Variants in CRISPLD2 observed in about 807,000 individuals in gnomAD.
CRISPLD2 encodes the protein cysteine-rich secretory protein LCCL domain-containing 2.
A neutral mutation model predicts 71.1 loss-of-function variants in CRISPLD2; 47 were observed. That is an observed-to-expected ratio of 0.66 (90% confidence interval 0.52 to 0.84). CRISPLD2 has a LOEUF of 0.84. Among genes scored for constraint, CRISPLD2 ranks in the 40% least tolerant of loss-of-function variants. The pLI is 0.00. For missense variants in CRISPLD2, 830 were observed against 651.1 expected (o/e 1.27, Z -2.99); for synonymous variants, 317 against 250.1 (o/e 1.27, Z -2.52).
intron 13 of CRISPLD2, among the ~76,000 whole-genome samples, chr16:84,881,054 T>C (rs900663971): frequency 5.3e-5 from 8 of 152,254 alleles, no homozygotes; most frequent in African/African-American, 1.9e-4. Flanking sequence ...ATTTTCCCCA[T>C]TTCCCCATTT....
In CRISPLD2 at chr16:84,906,599, C is replaced by A. The variant is rs199899739; in HGVS notation, c.1451C>A (p.Pro484His). 6.2e-6 allele frequency: 10 copies of A among 1,613,248 alleles called. No individual in the cohort carries two copies. In the African/African-American group the frequency reaches 1.3e-4, roughly 22 times the overall value. Residue 484 changes from proline to histidine, a missense_variant, in exon 15 of 15, where the codon CCT becomes CAT. Pro to His is a moderately conservative substitution (Grantham distance 77). Coordinates refer to ENST00000262424, the MANE Select transcript of CRISPLD2 (RefSeq NM_031476.4). ...NGVQSESLGTPRDGKAFRIFA... is the reference protein window; with the variant it reads ...NGVQSESLGTHRDGKAFRIFA... The stretch of plus-strand genomic sequence containing the variant: ...CTTCTTTTTTTCAGCCTGGGGACTC[C>A]TCGGGATGGAAAGGCCTTCCGGATC...
At position 84,838,034 on chromosome 16, in the gene CRISPLD2, G is replaced by C. The variant is rs117905384; in HGVS notation, c.-74-388G>C. 7.6e-3 allele frequency among the ~76,000 whole-genome samples: 1,162 copies of C among 152,322 alleles called. 2 individuals are homozygous for C. Among genetic ancestry groups the C allele is most frequent in the Non-Finnish European group, 0.012 (849 of 68,024 alleles). On this transcript the variant is annotated intron_variant, in intron 1 of 14. Coordinates refer to ENST00000262424, the MANE Select transcript of CRISPLD2 (RefSeq NM_031476.4). ...GTTGGTCCACGGAGCATCCTTTGGT[G>C]ATGGGAAATGACTTTAGCAATCCCC...
At position 84,838,637 on chromosome 16, in the gene CRISPLD2, C is replaced by T. The variant is rs200281033; in HGVS notation, c.142C>T (p.Arg48Cys). 13 of 1,614,110 alleles carry T rather than the reference C, an allele frequency of 8.1e-6. No homozygotes were observed. The highest frequency in any genetic ancestry group is 2.2e-5 in the East Asian group (1 of 44,896). ...YQHNESHSRV[R>C]RAIPREDKEE... ...GCACAACGAGTCTCACTCCCGGGTC[C>T]GCAGAGCCATCCCCAGGGAGGACAA... Residue 48 changes from arginine (R) to cysteine (C), a missense_variant, in exon 2 of 15, where the codon CGC becomes TGC. Arg to Cys is a radical substitution (Grantham distance 180). Coordinates refer to ENST00000262424, the MANE Select transcript of CRISPLD2 (RefSeq NM_031476.4).
At chr16:84,891,784 G>T (rs2071664988) in intron 14 of CRISPLD2, among the ~76,000 whole-genome samples, 1 of 152,154 alleles carries the variant, frequency 6.6e-6, no homozygotes, top group African/African-American at 2.4e-5. Context: ...GGGATGGAGA[G>T]AAGGCCCCCG....
chr16:84,879,194 C>A (rs1567699043), intron 12 of CRISPLD2, among the ~76,000 whole-genome samples: 2 of 152,288 alleles, frequency 1.3e-5, no homozygotes, highest in East Asian at 3.9e-4. Context: ...GGATAACAGC[C>A]TTTTAGTAGA....
rs537394347 is a variant in CRISPLD2, at chr16:84,866,912, C to T, written c.725C>T (p.Pro242Leu). 21 of 1,614,044 alleles carry T rather than the reference C, an allele frequency of 1.3e-5. No individual in the cohort carries two copies. The highest frequency in any genetic ancestry group is 4.4e-5 in the South Asian group (4 of 91,076). Residue 242 changes from proline to leucine, a missense_variant, in exon 7 of 15, where the codon CCA becomes CTA. Pro to Leu is a moderately conservative substitution (Grantham distance 98). Coordinates refer to ENST00000262424, the MANE Select transcript of CRISPLD2 (RefSeq NM_031476.4). ...NLCYREETYT[P>L]KPETDEMNEV... ...CAATGTTAAGAAGAAACCTACACTC[C>T]AAAACCTGAAACGGACGAGATGAAT...
In CRISPLD2 at chr16:84,868,836, G is replaced by C. The variant is rs759544076; in HGVS notation, c.854-15G>C. The C allele has an allele frequency of 1.2e-6, 2 of 1,609,998 alleles. No individual in the cohort carries two copies. Among genetic ancestry groups the C allele is most frequent in the Non-Finnish European group, 1.7e-6 (2 of 1,177,534 alleles). ...GTTTCGTGCCGTGACATGTATTCCC[G>C]CATTTCTCTCCTAGCCCAAGTCGTC... On this transcript the variant is annotated splice_polypyrimidine_tract_variant and intron_variant, in intron 7 of 14. Transcript: ENST00000262424.
intron 5 of CRISPLD2, 66 bp downstream of exon 5, chr16:84,850,749 C>T (rs901257400): frequency 1.6e-5 from 20 of 1,277,060 alleles, no homozygotes; most frequent in Non-Finnish European, 2.3e-5. Context: ...AGGGAGCACC[C>T]AGTGAAAACT....
At chr16:84,866,690 C>T (rs1917546686) in intron 6 of CRISPLD2, among the ~76,000 whole-genome samples, 1 of 152,142 alleles carries the variant, frequency 6.6e-6, no homozygotes, top group African/African-American at 2.4e-5. Flanking sequence ...ACACAGTGAG[C>T]GGAGAGCGTC....
At chr16:84,856,226 C>T (rs60233322) in intron 6 of CRISPLD2, among the ~76,000 whole-genome samples, 30,929 of 152,140 alleles carry the variant, frequency 0.2, 3,704 homozygotes, top group East Asian at 0.52. Flanking sequence ...TGACCTTAAT[C>T]ACAGGGCATG....
chr16:84,854,154 T>A (rs1401497627), intron 5 of CRISPLD2, among the ~76,000 whole-genome samples: 2 of 152,206 alleles, frequency 1.3e-5, no homozygotes, highest in Non-Finnish European at 2.9e-5. Context: ...CACTTGCTTG[T>A]CCTGTGACCT....
At chr16:84,897,406 G>T (rs1056772850) in intron 14 of CRISPLD2, among the ~76,000 whole-genome samples, 1 of 152,142 alleles carries the variant, frequency 6.6e-6, no homozygotes, top group Non-Finnish European at 1.5e-5. Context: ...AGTGAGTGGA[G>T]ATTGCACCAC....
intron 2 of CRISPLD2, among the ~76,000 whole-genome samples, chr16:84,845,325 C>T (rs1009967799): frequency 6.6e-6 from 1 of 151,690 alleles, no homozygotes; most frequent in Admixed American, 6.6e-5. Flanking sequence ...GGAGAGGAAG[C>T]CTGGTGTGCC....
In CRISPLD2 at chr16:84,877,521, C is replaced by A. The variant is rs571733446; in HGVS notation, c.1229+11C>A. Reference sequence around the variant, plus strand: ...AACTCACTGCCCAAGGTAAGGCGGGCCTGATCTGTCATCTTTTCTATGGAA... The same window carrying A: ...AACTCACTGCCCAAGGTAAGGCGGGACTGATCTGTCATCTTTTCTATGGAA... On this transcript the variant is annotated intron_variant, in intron 12 of 14. Transcript: ENST00000262424. The A allele has an allele frequency of 1.9e-6, 3 of 1,612,908 alleles. No individual in the cohort carries two copies. The highest frequency in any genetic ancestry group is 3.3e-5 in the Admixed American group (2 of 59,994).
chr16:84,855,217 G>C (rs950669543), intron 6 of CRISPLD2, among the ~76,000 whole-genome samples: 1 of 152,210 alleles, frequency 6.6e-6, no homozygotes, highest in Non-Finnish European at 1.5e-5. Context: ...GGGAGGCTGA[G>C]GCAGGAGGAC....
intron 6 of CRISPLD2, among the ~76,000 whole-genome samples, chr16:84,862,800 G>A (rs372143451): frequency 7.3e-4 from 111 of 151,920 alleles, no homozygotes; most frequent in African/African-American, 2.6e-3. Flanking sequence ...CAGGCTGGTG[G>A]GTTCTGGAGT....
At chr16:84,849,222 C>T (rs958116687) in intron 3 of CRISPLD2, 163 bp from the exon 4 acceptor site, 3 of 685,208 alleles carry the variant, frequency 4.4e-6, no homozygotes, top group Admixed American at 5.4e-5. Flanking sequence ...GCTATTCCGC[C>T]TCCTCGGCCT....
In CRISPLD2 at chr16:84,849,505, G is replaced by GCA. The variant is rs1567686744; in HGVS notation, c.482_483dup (p.Tyr162ThrfsTer5). Reference sequence around the variant, plus strand: ...AGAGGTGCTCGGGGCCCATGTGCACGCACTACACACAGGTAACTCGGGGAC... The same window carrying GCA: ...AGAGGTGCTCGGGGCCCATGTGCACGCACACTACACACAGGTAACTCGGGGAC... On this transcript the variant is annotated frameshift_variant, in exon 4 of 15. Transcript: ENST00000262424. LOFTEE classifies it high-confidence loss of function. 1 of 1,613,916 alleles carries GCA rather than the reference G, an allele frequency of 6.2e-7. No individual in the cohort carries two copies. The highest frequency in any genetic ancestry group is 1.3e-5 in the African/African-American group (1 of 74,924).
At chr16:84,894,203 A>G (rs1466844537) in intron 14 of CRISPLD2, among the ~76,000 whole-genome samples, 1 of 152,192 alleles carries the variant, frequency 6.6e-6, no homozygotes, top group Non-Finnish European at 1.5e-5. Context: ...CCACCTGGGT[A>G]TCAAAGGAAA....
Sources: allele counts gnomAD v4.1 joint callset (sites outside exome capture counted in the v4.1 genomes callset), GRCh38; gene constraint gnomAD v4.1.1; transcripts MANE v1.5; gene names NCBI Gene and HGNC (gene_info 2026-07-23, HGNC 2026-07-21).